Variants in ZNF469 observed in about 807,000 individuals in gnomAD.
The protein encoded by ZNF469 is zinc finger protein 469.
In ZNF469, 1 loss-of-function variant was observed where a neutral mutation model predicts 1.0. The observed-to-expected ratio is 1.00, with a 90% CI of 0.35 to 4.73. The LOEUF (loss-of-function observed/expected upper bound fraction) is 4.73, where lower values mean the gene tolerates loss of function less well. ZNF469 is among the 30% of genes most tolerant of loss of function. ZNF469 has a pLI of 0.16. For synonymous variants in ZNF469, 2,703 were observed against 2,363.4 expected, an observed-to-expected ratio of 1.14 and a Z score of -4.17; for missense variants, 6,100 against 5,356.3, an observed-to-expected ratio of 1.14 and a Z score of -4.33.
At chr16:88,406,399 C>T (rs1481031698) in intron 1 of ZNF469, among the ~76,000 whole-genome samples, 2 of 152,258 alleles carry the variant, frequency 1.3e-5, no homozygotes, top group Non-Finnish European at 2.9e-5. Context: ...GTGCCCCCCA[C>T]GCTGGGAAGC....
At chr16:88,125,663 A>T in the ZNF469 span, among the ~76,000 whole-genome samples, 151,990 of 152,362 alleles carry the variant, frequency 1, 75,810 homozygotes, top group Middle Eastern at 1. Flanking sequence ...TTGTAAAAGG[A>T]GAAGGATTTA....
the ZNF469 span, among the ~76,000 whole-genome samples, chr16:88,342,077 G>A: frequency 2.0e-5 from 3 of 151,792 alleles, no homozygotes; most frequent in Admixed American, 6.5e-5. Context: ...AGGGCGGGGC[G>A]GGGCTGGCTG....
chr16:88,156,333 C>A, the ZNF469 span, among the ~76,000 whole-genome samples: 36 of 152,158 alleles, frequency 2.4e-4, no homozygotes, highest in African/African-American at 8.2e-4. Flanking sequence ...AAGATTAATA[C>A]CTTTGCTTTC....
the ZNF469 span, among the ~76,000 whole-genome samples, chr16:88,280,065 T>G: frequency 1.6e-5 from 2 of 126,114 alleles, no homozygotes; most frequent in East Asian, 5.1e-4. Flanking sequence ...TAGTGCTGCA[T>G]CACGCCGACA....
chr16:88,260,287 C>A, the ZNF469 span, among the ~76,000 whole-genome samples: 4 of 152,184 alleles, frequency 2.6e-5, no homozygotes. This position sits in a 1 kb window ranked among gnomAD's most constrained non-coding sequence, Gnocchi z 4.1. Flanking sequence ...CCGTGCCCAG[C>A]CAAAAAGTCG....
the ZNF469 span, among the ~76,000 whole-genome samples, chr16:88,231,627 C>G: frequency 6.6e-6 from 1 of 152,200 alleles, no homozygotes; most frequent in Non-Finnish European, 1.5e-5. This position sits in a 1 kb window ranked among gnomAD's most constrained non-coding sequence, Gnocchi z 4.5. Flanking sequence ...GCCCTTCCTC[C>G]ACCTTCCAGG....
chr16:88,296,361 C>T, the ZNF469 span, among the ~76,000 whole-genome samples: 3 of 152,192 alleles, frequency 2.0e-5, no homozygotes, highest in East Asian at 1.9e-4. Flanking sequence ...CTCACACACA[C>T]ATGCTCATGC....
At chr16:88,175,678 G>C in the ZNF469 span, among the ~76,000 whole-genome samples, 1 of 152,200 alleles carries the variant, frequency 6.6e-6, no homozygotes, top group Non-Finnish European at 1.5e-5. Flanking sequence ...ACACTGTATA[G>C]AGTTCAGTTA....
chr16:88,219,074 C>T, the ZNF469 span, among the ~76,000 whole-genome samples: 2 of 149,594 alleles, frequency 1.3e-5, no homozygotes, highest in Non-Finnish European at 3.0e-5. Flanking sequence ...ATGTGAAGGA[C>T]CTCTTCAAGG....
chr16:88,340,179 C>T, the ZNF469 span, among the ~76,000 whole-genome samples: 60 of 152,292 alleles, frequency 3.9e-4, 1 homozygote, highest in Admixed American at 3.3e-3. Flanking sequence ...CTCCCCTGCA[C>T]GGCAGTCCAG....
chr16:88,438,519 G>A lies in ZNF469; in HGVS notation c.11049G>A (p.Arg3683=). The A allele has an allele frequency of 6.5e-7, 1 of 1,550,134 alleles. No individual in the cohort carries two copies. The highest frequency in any genetic ancestry group is 8.7e-7 in the Non-Finnish European group (1 of 1,146,956). The change falls in exon 3 of 3, where the codon AGG becomes AGA. Residue 3683 remains arginine (R), a synonymous_variant. Coordinates refer to ENST00000565624, the MANE Select transcript of ZNF469 (RefSeq NM_001367624.2). ...GCTGCCAGAGCTCATCAAAGGACAG[G>A]TCGGCAGCATCCACCCCCAGCAAAG... The part of the protein sequence containing the change: ...PAGCQSSSKD[R]SAASTPSKAL...
chr16:88,313,063 G>T, the ZNF469 span, among the ~76,000 whole-genome samples: 1 of 152,162 alleles, frequency 6.6e-6, no homozygotes, highest in Non-Finnish European at 1.5e-5. Context: ...TCCTGGTCAG[G>T]GTCACGGTCA....
At chr16:88,420,314 G>A (rs1905420397) in intron 1 of ZNF469, among the ~76,000 whole-genome samples, 1 of 152,236 alleles carries the variant, frequency 6.6e-6, no homozygotes. Flanking sequence ...ACCAGGGATG[G>A]ATGCAGCTGA....
chr16:88,312,492 G>A, the ZNF469 span, among the ~76,000 whole-genome samples: 1 of 152,130 alleles, frequency 6.6e-6, no homozygotes, highest in Non-Finnish European at 1.5e-5. Flanking sequence ...ACTTGCTCGT[G>A]TGCCTGTGTT....
Position 88,437,212 on chromosome 16 carries a change from G to A in ZNF469, c.9742G>A (p.Ala3248Thr), listed in dbSNP as rs1227219930. ...HHRGKRSAGKAAGSPGDPWGQ... is the reference protein window; with the variant it reads ...HHRGKRSAGKTAGSPGDPWGQ... Reference sequence around the variant, plus strand: ...CAGGGGCAAGCGCTCCGCCGGCAAGGCCGCCGGGAGCCCGGGAGACCCGTG... The same window carrying A: ...CAGGGGCAAGCGCTCCGCCGGCAAGACCGCCGGGAGCCCGGGAGACCCGTG... The change falls in exon 3 of 3, where the codon GCC (alanine) becomes ACC (threonine). Residue 3248 changes from alanine to threonine, a missense_variant. Coordinates refer to ENST00000565624, the MANE Select transcript of ZNF469 (RefSeq NM_001367624.2). 2 of 1,549,410 alleles carry A rather than the reference G, an allele frequency of 1.3e-6. No individual in the cohort carries two copies. The highest frequency in any genetic ancestry group is 3.9e-5 in the Admixed American group (2 of 50,968).
At chr16:88,270,862 C>T in the ZNF469 span, among the ~76,000 whole-genome samples, 482 of 152,368 alleles carry the variant, frequency 3.2e-3, 2 homozygotes, top group Admixed American at 4.0e-3. Context: ...GCTTGAGCCT[C>T]CACCCATTTA....
At chr16:88,176,443 A>G in the ZNF469 span, among the ~76,000 whole-genome samples, 1 of 151,428 alleles carries the variant, frequency 6.6e-6, no homozygotes, top group South Asian at 2.1e-4. Flanking sequence ...AGAGGCGTCA[A>G]AGAAGGAGAT....
chr16:88,265,684 C>T, the ZNF469 span, among the ~76,000 whole-genome samples: 8 of 152,336 alleles, frequency 5.3e-5, no homozygotes, highest in Middle Eastern at 6.8e-3. Context: ...ACAGGAAACC[C>T]GCCCGTCCTG....
the ZNF469 span, among the ~76,000 whole-genome samples, chr16:88,296,799 G>A: frequency 1.3e-5 from 2 of 151,714 alleles, no homozygotes; most frequent in African/African-American, 2.4e-5. Context: ...TCACACACAT[G>A]GTAGTGCACA....
Sources: gnomAD v4.1 joint callset for allele counts (sites outside exome capture counted in the v4.1 genomes callset) on GRCh38, gnomAD v4.1.1 for gene constraint, Gnocchi (gnomAD v3.1) non-coding constraint, MANE v1.5 for transcripts, NCBI Gene and HGNC (gene_info 2026-07-23, HGNC 2026-07-21) for gene names.